Variants in DNAH14 observed in about 807,000 individuals in gnomAD.
The protein encoded by DNAH14 is axonemal beta dynein heavy chain 14.
DNAH14 carries 478 observed loss-of-function variants against 520.9 expected under a neutral mutation model. That is an observed-to-expected ratio of 0.92 (90% CI 0.85 to 0.99). DNAH14 has a LOEUF of 0.99. DNAH14 is among the 50% of genes least tolerant of loss of function. The probability of loss-of-function intolerance (pLI) is 0.00; values close to 1 mark genes in which losing one functional copy is unlikely to be tolerated. For synonymous variants in DNAH14, 1,581 were observed against 1,757.2 expected (o/e 0.90, Z 2.51); for missense variants, 4,831 against 5,234.5 (o/e 0.92, Z 2.38).
intron 34 of DNAH14, among the ~76,000 whole-genome samples, chr1:225,156,961 C>T (rs1459118262): frequency 7.3e-5 from 8 of 109,338 alleles, no homozygotes; most frequent in Non-Finnish European, 1.3e-4. Flanking sequence ...GTGATCCGCC[C>T]GCCTCGGCCT....
Position 225,276,078 on chromosome 1 carries a change from G to T in DNAH14, c.8175G>T (p.Leu2725Phe). 1 of 343,026 alleles carries T rather than the reference G, an allele frequency of 2.9e-6. No individual in the cohort carries two copies. 21.2% of individuals were successfully genotyped at this position (343,026 alleles called of 1,614,324 possible). A position where few individuals can be genotyped will look rare whatever the true frequency, so the allele number is the denominator to read the frequency against. ...EFQMKLGSIS[L>F]ELSHSMVFFK... Reference sequence around the variant, plus strand: ...AAATGAAGTTGGGTTCAATTTCTTTGGAGGTAAACATATATACTATATAAA... The same window carrying T: ...AAATGAAGTTGGGTTCAATTTCTTTTGAGGTAAACATATATACTATATAAA... The change falls in exon 53 of 86, where the codon TTG becomes TTT. Residue 2725 changes from leucine (L) to phenylalanine (F), a missense_variant. By Grantham distance (22) the Leu-to-Phe change is conservative. Transcript: ENST00000682510.
chr1:224,955,010 T>C lies in DNAH14; in HGVS notation c.129T>C (p.Thr43=). 1 of 1,610,370 alleles carries C rather than the reference T, an allele frequency of 6.2e-7. No homozygotes were observed. ...KKYEDVKPLE[T]QPAEIAEKET... is the part of the protein sequence containing the mutation. ...ATGAAGATGTGAAACCATTAGAGACTCAACCAGCTGAAATAGCAGAAAAGG... is the reference window on the plus strand; with the variant it reads ...ATGAAGATGTGAAACCATTAGAGACCCAACCAGCTGAAATAGCAGAAAAGG... Residue 43 remains threonine, a synonymous_variant, in exon 3 of 86, where the codon ACT becomes ACC. Coordinates refer to ENST00000682510, the MANE Select transcript of DNAH14 (RefSeq NM_001367479.1).
chr1:225,336,698 C>T (rs1186236989), intron 66 of DNAH14, among the ~76,000 whole-genome samples: 2 of 152,110 alleles, frequency 1.3e-5, no homozygotes, highest in East Asian at 1.9e-4. Context: ...CCAAAATTGG[C>T]CATATAACAG....
intron 52 of DNAH14, among the ~76,000 whole-genome samples, chr1:225,275,218 T>A (rs1237067179): frequency 1.3e-5 from 2 of 152,200 alleles, no homozygotes; most frequent in Non-Finnish European, 2.9e-5. Flanking sequence ...TATCAGGAAT[T>A]CCCAGTGCCA....
chr1:225,123,184 A>G (rs1414109004), intron 26 of DNAH14, among the ~76,000 whole-genome samples: 1 of 152,234 alleles, frequency 6.6e-6, no homozygotes, highest in Non-Finnish European at 1.5e-5. Context: ...GTTTCAGCCC[A>G]GTATTCCATT....
At chr1:225,260,041 C>G (rs1005575134) in intron 46 of DNAH14, among the ~76,000 whole-genome samples, 3 of 152,000 alleles carry the variant, frequency 2.0e-5, no homozygotes, top group South Asian at 4.2e-4. Context: ...CACACACACA[C>G]AGACACCACA....
chr1:224,995,168 A>T (rs1444818718), intron 8 of DNAH14, among the ~76,000 whole-genome samples: 1 of 152,066 alleles, frequency 6.6e-6, no homozygotes, highest in Non-Finnish European at 1.5e-5. Context: ...TTATGTTATC[A>T]TTTAGTGGCT....
intron 1 of DNAH14, among the ~76,000 whole-genome samples, chr1:224,931,268 A>G (rs895262546): frequency 6.6e-6 from 1 of 152,226 alleles, no homozygotes; most frequent in African/African-American, 2.4e-5. Context: ...TTTTAAGCTC[A>G]GTGTTATTAC....
At chr1:225,102,225 A>AT (rs1415393092) in intron 23 of DNAH14, among the ~76,000 whole-genome samples, 1 of 151,780 alleles carries the variant, frequency 6.6e-6, no homozygotes, top group African/African-American at 2.4e-5. Context: ...TGAACTCATC[A>AT]TTTTTTATGG....
At chr1:225,052,408 A>G (rs77823883) in intron 17 of DNAH14, among the ~76,000 whole-genome samples, 8,382 of 152,258 alleles carry the variant, frequency 0.055, 471 homozygotes, top group East Asian at 0.24. Flanking sequence ...ATCCTAATAG[A>G]CCAGCCATTG....
intron 26 of DNAH14, among the ~76,000 whole-genome samples, chr1:225,119,621 C>T (rs903822146): frequency 3.9e-5 from 6 of 152,146 alleles, no homozygotes; most frequent in Admixed American, 2.0e-4. Flanking sequence ...GTAGGGCTCC[C>T]GTTTGAGCAC....
chr1:225,271,805 CT>C (rs1304482152), intron 50 of DNAH14, 100 bp from the exon 51 acceptor site: 1 of 841,532 alleles, frequency 1.2e-6, no homozygotes, highest in African/African-American at 1.7e-5. Context: ...GAAATTAATC[CT>C]CCATTATAGT....
chr1:225,354,473 CT>C (rs958572487), intron 73 of DNAH14, among the ~76,000 whole-genome samples: 2 of 152,094 alleles, frequency 1.3e-5, no homozygotes, highest in East Asian at 1.9e-4. Flanking sequence ...ATGAGCACCC[CT>C]AACACATGAA....
intron 7 of DNAH14, among the ~76,000 whole-genome samples, chr1:224,972,532 C>G (rs1186847824): frequency 6.6e-6 from 1 of 151,238 alleles, no homozygotes; most frequent in African/African-American, 2.4e-5. Flanking sequence ...GTGGCATGAT[C>G]TCGGCTCACT....
chr1:224,959,581 C>T (rs765570440), intron 3 of DNAH14, among the ~76,000 whole-genome samples: 1 of 152,066 alleles, frequency 6.6e-6, no homozygotes, highest in Non-Finnish European at 1.5e-5. Flanking sequence ...ATATTTTCCC[C>T]ATTCTTCTAT....
At chr1:225,144,880 A>C (rs1440200919) in intron 29 of DNAH14, among the ~76,000 whole-genome samples, 3 of 150,846 alleles carry the variant, frequency 2.0e-5, no homozygotes, top group African/African-American at 7.4e-5. Context: ...TAACATGTGA[A>C]TGATTAATAT....
intron 53 of DNAH14, among the ~76,000 whole-genome samples, chr1:225,276,995 A>AGGG (rs1558242055): frequency 1.1e-3 from 63 of 59,558 alleles, no homozygotes; most frequent in African/African-American, 6.0e-3. Context: ...GGGAGGGAGG[A>AGGG]AGGAAGGGAG....
intron 4 of DNAH14, among the ~76,000 whole-genome samples, chr1:224,962,711 T>A (rs2060919129): frequency 6.6e-6 from 1 of 152,194 alleles, no homozygotes; most frequent in South Asian, 2.1e-4. Flanking sequence ...TAAGCATTCT[T>A]GATTCTGTCA....
At chr1:224,990,029 T>G (rs2125750051) in intron 8 of DNAH14, among the ~76,000 whole-genome samples, 1 of 152,042 alleles carries the variant, frequency 6.6e-6, no homozygotes, top group African/African-American at 2.4e-5. Flanking sequence ...TTTTTTTAAC[T>G]TTGCCTGATT....
Sources: gnomAD v4.1 joint callset for allele counts (sites outside exome capture counted in the v4.1 genomes callset) on GRCh38, gnomAD v4.1.1 for gene constraint, MANE v1.5 for transcripts, NCBI Gene and HGNC (gene_info 2026-07-23, HGNC 2026-07-21) for gene names.